NDUFAF2: variants seen among roughly 807,000 people sequenced by gnomAD.
The protein encoded by NDUFAF2 is NADH dehydrogenase [ubiquinone] 1 alpha subcomplex assembly factor 2.
Under a neutral mutation model 22.8 loss-of-function variants are expected in NDUFAF2, and 13 were observed. That is an observed-to-expected ratio of 0.57 (90% confidence interval 0.37 to 0.91). The LOEUF (loss-of-function observed/expected upper bound fraction) is 0.91, where lower values mean the gene tolerates loss of function less well. Among genes scored for constraint, NDUFAF2 ranks in the 40% least tolerant of loss-of-function variants. The pLI is 0.01. For synonymous variants in NDUFAF2, 53 were observed against 64.2 expected (o/e 0.83, Z 0.84); for missense variants, 162 against 195.2 (o/e 0.83, Z 1.01).
At chr5:60,957,150 T>C (rs1168219237) in intron 1 of NDUFAF2, among the ~76,000 whole-genome samples, 2 of 152,158 alleles carry the variant, frequency 1.3e-5, no homozygotes, top group Admixed American at 1.3e-4. Flanking sequence ...GTTTTATTTA[T>C]TTTTAATTAT....
rs187338150 is a variant in NDUFAF2, at chr5:61,031,212, C to A, written c.128-41913C>A. Reference sequence around the variant, plus strand: ...TGAGTTTTGGGATACATGTGCAGAACGTTGCAGGTTTGTTACATAGGTATA... The same window carrying A: ...TGAGTTTTGGGATACATGTGCAGAAAGTTGCAGGTTTGTTACATAGGTATA... On this transcript the variant is annotated intron_variant, in intron 1 of 3. Transcript: ENST00000296597. Among the ~76,000 whole-genome samples, 4 of 152,012 alleles carry A rather than the reference C, an allele frequency of 2.6e-5. No homozygotes were observed. In the East Asian group the frequency reaches 7.7e-4, roughly 29 times the overall value.
intron 1 of NDUFAF2, among the ~76,000 whole-genome samples, chr5:61,043,377 C>T (rs1365121360): frequency 6.6e-6 from 1 of 152,062 alleles, no homozygotes; most frequent in Non-Finnish European, 1.5e-5. Flanking sequence ...AGTACATCCC[C>T]AAGAGTGAAC....
At chr5:61,069,590 T>C (rs1228305744) in intron 1 of NDUFAF2, among the ~76,000 whole-genome samples, 1 of 152,176 alleles carries the variant, frequency 6.6e-6, no homozygotes, top group East Asian at 1.9e-4. Context: ...CTCTAAAGTA[T>C]GGCAAAAATT....
chr5:61,135,330 A>G (rs1181857633), intron 3 of NDUFAF2, among the ~76,000 whole-genome samples: 1 of 152,102 alleles, frequency 6.6e-6, no homozygotes, highest in Non-Finnish European at 1.5e-5. Flanking sequence ...AGAGTCTAGG[A>G]CATCTTTTTA....
intron 1 of NDUFAF2, among the ~76,000 whole-genome samples, chr5:61,007,995 C>G (rs1478861523): frequency 6.6e-6 from 1 of 152,044 alleles, no homozygotes; most frequent in East Asian, 1.9e-4. Context: ...ATTTCATGTC[C>G]TTTGTAGGGA....
At chr5:61,104,603 C>G (rs994771283) in intron 3 of NDUFAF2, among the ~76,000 whole-genome samples, 1 of 152,062 alleles carries the variant, frequency 6.6e-6, no homozygotes, top group Admixed American at 6.6e-5. Flanking sequence ...ATCTTGTTTA[C>G]TTGACCATAT....
At chr5:60,995,143 C>T (rs746872778) in intron 1 of NDUFAF2, among the ~76,000 whole-genome samples, 28 of 152,130 alleles carry the variant, frequency 1.8e-4, no homozygotes, top group Admixed American at 1.4e-3. Flanking sequence ...TTGAATTCTT[C>T]GTCTGAAAGG....
At chr5:60,960,690 A>G (rs1750672004) in intron 1 of NDUFAF2, among the ~76,000 whole-genome samples, 1 of 152,198 alleles carries the variant, frequency 6.6e-6, no homozygotes, top group Non-Finnish European at 1.5e-5. Flanking sequence ...GTTTGAATAA[A>G]TTTCCATTCT....
At chr5:60,975,635 G>A (rs926509173) in intron 1 of NDUFAF2, among the ~76,000 whole-genome samples, 1 of 152,186 alleles carries the variant, frequency 6.6e-6, no homozygotes, top group African/African-American at 2.4e-5. Flanking sequence ...CAGAACACTG[G>A]TGTCTTCTGC....
chr5:61,106,819 T>A (rs1262222544), intron 3 of NDUFAF2, among the ~76,000 whole-genome samples: 1 of 151,210 alleles, frequency 6.6e-6, no homozygotes. Flanking sequence ...TCACTTAAAA[T>A]AATGACCTCC....
intron 3 of NDUFAF2, among the ~76,000 whole-genome samples, chr5:61,126,413 C>T (rs2111805857): frequency 6.6e-6 from 1 of 152,064 alleles, no homozygotes; most frequent in African/African-American, 2.4e-5. Context: ...TAATTGTCTC[C>T]TTCACAAAGT....
chr5:61,071,661 A>AT lies in NDUFAF2; in HGVS notation c.128-1460dup, dbSNP rs562055193. Among the ~76,000 whole-genome samples, 382 of 152,308 alleles carry AT rather than the reference A, an allele frequency of 2.5e-3. 1 individual carries two copies. The highest frequency in any genetic ancestry group is 4.4e-3 in the South Asian group (21 of 4,826). ...CTTAGGAGTGGTAAGAGAAAGGAGTATTTTGTAAGGTCCAAATTTCTCTCC... is the reference window on the plus strand; with the variant it reads ...CTTAGGAGTGGTAAGAGAAAGGAGTATTTTTGTAAGGTCCAAATTTCTCTCC... On this transcript the variant is annotated intron_variant, in intron 1 of 3. Coordinates refer to ENST00000296597, the MANE Select transcript of NDUFAF2 (RefSeq NM_174889.5).
chr5:61,092,721 C>A (rs970918993), intron 2 of NDUFAF2, among the ~76,000 whole-genome samples: 6 of 152,124 alleles, frequency 3.9e-5, no homozygotes, highest in Non-Finnish European at 2.9e-5. Context: ...TGCCTGATTT[C>A]CCTGGCCAGA....
chr5:61,017,899 G>A (rs1282986721), intron 1 of NDUFAF2, among the ~76,000 whole-genome samples: 6 of 151,982 alleles, frequency 3.9e-5, no homozygotes, highest in African/African-American at 7.3e-5. Flanking sequence ...ACAGGCATGC[G>A]TCACCACACC....
chr5:61,073,163 A>C lies in NDUFAF2; in HGVS notation c.166A>C (p.Asn56His). 1 of 1,613,390 alleles carries C rather than the reference A, an allele frequency of 6.2e-7. No individual in the cohort carries two copies. Among genetic ancestry groups the C allele is most frequent in the Non-Finnish European group, 8.5e-7 (1 of 1,179,498 alleles). Residue 56 changes from asparagine to histidine, a missense_variant, in exon 2 of 4, where the codon AAT (asparagine) becomes CAT (histidine). Physicochemically the swap from Asn to His is moderately conservative, Grantham distance 68. Around this residue, in one of 2 missense-constraint regions of NDUFAF2, gnomAD observed 94 missense variants for 85.2 expected, o/e 1.10. Transcript: ENST00000296597. The part of the protein sequence containing the change: ...IREKRIVEAA[N>H]KKEVDYEAGD... Reference sequence around the variant, plus strand: ...AGAGAAAAGAATTGTAGAAGCAGCAAATAAAAAAGAAGTAGACTATGAAGC... The same window carrying C: ...AGAGAAAAGAATTGTAGAAGCAGCACATAAAAAAGAAGTAGACTATGAAGC...
intron 1 of NDUFAF2, among the ~76,000 whole-genome samples, chr5:60,961,391 C>A (rs1021794354): frequency 6.6e-6 from 1 of 151,982 alleles, no homozygotes. Context: ...GTCAGGAGAT[C>A]GAGACCATCC....
intron 1 of NDUFAF2, among the ~76,000 whole-genome samples, chr5:61,072,459 A>G (rs577200949): frequency 6.6e-6 from 1 of 152,188 alleles, no homozygotes; most frequent in Non-Finnish European, 1.5e-5. Flanking sequence ...TGCTTCCTCT[A>G]AGATATATAC....
At chr5:61,136,501 T>G (rs1227481533) in intron 3 of NDUFAF2, among the ~76,000 whole-genome samples, 1 of 152,156 alleles carries the variant, frequency 6.6e-6, no homozygotes, top group Non-Finnish European at 1.5e-5. Flanking sequence ...GTTGAATATG[T>G]CTCAATTCTA....
At chr5:61,140,844 CCT>C (rs1741041942) in intron 3 of NDUFAF2, among the ~76,000 whole-genome samples, 1 of 152,162 alleles carries the variant, frequency 6.6e-6, no homozygotes, top group Non-Finnish European at 1.5e-5. Flanking sequence ...CTAGAATGCC[CCT>C]CTCTTCTTAG....
Sources: allele counts gnomAD v4.1 joint callset (sites outside exome capture counted in the v4.1 genomes callset), GRCh38; gene constraint gnomAD v4.1.1; regional missense constraint gnomAD v4.1.1; transcripts MANE v1.5; gene names NCBI Gene and HGNC (gene_info 2026-07-23, HGNC 2026-07-21).